Variants in LRRC4C observed in about 807,000 individuals in gnomAD.
The protein encoded by LRRC4C is leucine rich repeat containing 4C.
LRRC4C carries 5 observed loss-of-function variants against 33.6 expected under a neutral mutation model. The observed-to-expected ratio is 0.15, with a 90% CI of 0.08 to 0.31. LRRC4C has a LOEUF of 0.31. LRRC4C is among the 10% of genes least tolerant of loss of function. The probability of loss-of-function intolerance (pLI) is 1.00; values close to 1 mark genes in which losing one functional copy is unlikely to be tolerated. For missense variants in LRRC4C, 560 were observed against 796.7 expected (o/e 0.70, Z 3.58); for synonymous variants, 329 against 302.0 (o/e 1.09, Z -0.93).
chr11:41,130,735 T>C (rs1399916019), intron 1 of LRRC4C, among the ~76,000 whole-genome samples: 1 of 152,038 alleles, frequency 6.6e-6, no homozygotes, highest in Non-Finnish European at 1.5e-5. Context: ...ACCAGCTGCA[T>C]CAATCACATA....
At chr11:41,209,125 A>C (rs1476923625) in intron 1 of LRRC4C, among the ~76,000 whole-genome samples, 4 of 151,756 alleles carry the variant, frequency 2.6e-5, no homozygotes, top group Non-Finnish European at 1.5e-5. Context: ...TGGTGATGAT[A>C]ATCTGTACAC....
chr11:40,972,160 G>A (rs1468428715), intron 1 of LRRC4C, among the ~76,000 whole-genome samples: 1 of 138,314 alleles, frequency 7.2e-6, no homozygotes, highest in Non-Finnish European at 1.6e-5. Context: ...TTTTTGAAAT[G>A]GAGTCTTGCT....
chr11:41,348,711 ACT>A (rs1264498398), intron 1 of LRRC4C, among the ~76,000 whole-genome samples: 1 of 151,996 alleles, frequency 6.6e-6, no homozygotes, highest in Non-Finnish European at 1.5e-5. Context: ...AAAGCTGGAA[ACT>A]CTGCACAAAG....
intron 3 of LRRC4C, among the ~76,000 whole-genome samples, chr11:40,504,526 G>A (rs1026945070): frequency 3.3e-5 from 5 of 151,998 alleles, no homozygotes; most frequent in Non-Finnish European, 7.4e-5. Flanking sequence ...TCAGCCTAAG[G>A]ATTTTGAATC....
At chr11:40,619,727 C>T (rs1191063636) in intron 3 of LRRC4C, among the ~76,000 whole-genome samples, 3 of 151,474 alleles carry the variant, frequency 2.0e-5, no homozygotes, top group African/African-American at 7.3e-5. Flanking sequence ...GCTTTTTCTC[C>T]CTCCAGGCTG....
chr11:40,133,854 G>A (rs373813321), intron 6 of LRRC4C, among the ~76,000 whole-genome samples: 1 of 152,062 alleles, frequency 6.6e-6, no homozygotes, highest in Admixed American at 6.6e-5. Flanking sequence ...AAAAAAACAG[G>A]CACTTTCCTT....
At chr11:40,426,325 T>C (rs1345230803) in intron 3 of LRRC4C, among the ~76,000 whole-genome samples, 1 of 152,062 alleles carries the variant, frequency 6.6e-6, no homozygotes, top group Non-Finnish European at 1.5e-5. Context: ...CCACAGTTAC[T>C]TCTATGGCCT....
intron 5 of LRRC4C, among the ~76,000 whole-genome samples, chr11:40,199,751 A>G (rs993506939): frequency 8.5e-5 from 13 of 152,118 alleles, no homozygotes; most frequent in Non-Finnish European, 1.6e-4. Flanking sequence ...TTGCTTTCCA[A>G]CTAGTTTCCC....
intron 1 of LRRC4C, among the ~76,000 whole-genome samples, chr11:41,240,935 T>C (rs1475876016): frequency 6.6e-6 from 1 of 152,110 alleles, no homozygotes; most frequent in Non-Finnish European, 1.5e-5. Flanking sequence ...AGATCTACAA[T>C]AGGCAGGAAA....
intron 2 of LRRC4C, among the ~76,000 whole-genome samples, chr11:40,738,471 A>G (rs894108027): frequency 1.3e-5 from 2 of 152,180 alleles, no homozygotes; most frequent in African/African-American, 4.8e-5. Flanking sequence ...ACTAATACAG[A>G]GTATAGATCA....
At chr11:40,765,146 C>A (rs541427920) in intron 2 of LRRC4C, among the ~76,000 whole-genome samples, 4 of 152,262 alleles carry the variant, frequency 2.6e-5, no homozygotes, top group South Asian at 4.1e-4. Context: ...TATCCCCACC[C>A]AAATCTCATA....
intron 1 of LRRC4C, among the ~76,000 whole-genome samples, chr11:41,226,416 AAC>A (rs1259643686): frequency 1.3e-5 from 2 of 152,122 alleles, no homozygotes; most frequent in Admixed American, 6.6e-5. Context: ...TAACCAAAAT[AAC>A]ACATTCTTTC....
chr11:40,351,070 C>T (rs558778163), intron 3 of LRRC4C, among the ~76,000 whole-genome samples: 2 of 151,904 alleles, frequency 1.3e-5, no homozygotes, highest in East Asian at 1.9e-4. Flanking sequence ...TTTAAGTGCC[C>T]TTTCTTTCTC....
chr11:41,112,069 T>C (rs908518427), intron 1 of LRRC4C, among the ~76,000 whole-genome samples: 1 of 152,056 alleles, frequency 6.6e-6, no homozygotes, highest in Non-Finnish European at 1.5e-5. Context: ...CTTCAAAATG[T>C]AGCAGAAGTT....
chr11:40,235,357 CA>C (rs1865484370), intron 5 of LRRC4C, among the ~76,000 whole-genome samples: 1 of 152,172 alleles, frequency 6.6e-6, no homozygotes, highest in Non-Finnish European at 1.5e-5. Context: ...GTAATTTTCA[CA>C]GATTACTTTT....
At chr11:40,245,709 C>G (rs1421393401) in intron 4 of LRRC4C, among the ~76,000 whole-genome samples, 1 of 152,000 alleles carries the variant, frequency 6.6e-6, no homozygotes, top group Non-Finnish European at 1.5e-5. Context: ...TTAATCTATT[C>G]TAAGGATTAT....
At chr11:40,925,435 C>G (rs1238483134) in intron 2 of LRRC4C, among the ~76,000 whole-genome samples, 3 of 152,160 alleles carry the variant, frequency 2.0e-5, no homozygotes, top group Admixed American at 1.3e-4. Flanking sequence ...TCTGCTACCT[C>G]AGCCTGAATC....
chr11:40,536,034 A>G (rs984371691), intron 3 of LRRC4C, among the ~76,000 whole-genome samples: 1 of 152,176 alleles, frequency 6.6e-6, no homozygotes, highest in Admixed American at 6.5e-5. Flanking sequence ...GCCCATTATT[A>G]TATGTCCACA....
chr11:40,754,724 CTT>C (rs1948862709), intron 2 of LRRC4C, among the ~76,000 whole-genome samples: 1 of 151,974 alleles, frequency 6.6e-6, no homozygotes, highest in Non-Finnish European at 1.5e-5. Context: ...TTAATTTCCT[CTT>C]GTTTTATTTC....
Sources: allele counts gnomAD v4.1 joint callset (sites outside exome capture counted in the v4.1 genomes callset), GRCh38; gene constraint gnomAD v4.1.1; transcripts MANE v1.5; gene names NCBI Gene and HGNC (gene_info 2026-07-23, HGNC 2026-07-21).